The following PTPN3 variants were observed in gnomAD, a reference collection of about 807,000 sequenced individuals.
PTPN3 encodes protein tyrosine phosphatase non-receptor type 3.
PTPN3 carries 96 observed loss-of-function variants against 132.7 expected under a neutral mutation model. The observed-to-expected ratio is 0.72, with a 90% CI of 0.61 to 0.86. The LOEUF (loss-of-function observed/expected upper bound fraction) is 0.86, where lower values mean the gene tolerates loss of function less well. Among genes scored for constraint, PTPN3 ranks in the 40% least tolerant of loss-of-function variants. The pLI, the probability that PTPN3 is intolerant of heterozygous loss-of-function variation, is 0.00. For synonymous variants in PTPN3, 398 were observed against 429.0 expected (o/e 0.93, Z 0.89); for missense variants, 1,125 against 1,159.6 (o/e 0.97, Z 0.43).
At chr9:109,534,451 G>T in the PTPN3 span, 1 of 1,231,248 alleles carries the variant, frequency 8.1e-7, no homozygotes, top group Non-Finnish European at 1.1e-6. Flanking sequence ...TCCGCTCTCC[G>T]CTCCCGCTAC....
chr9:109,477,015 A>G (rs991083948), intron 1 of PTPN3, among the ~76,000 whole-genome samples: 1 of 152,114 alleles, frequency 6.6e-6, no homozygotes, highest in Non-Finnish European at 1.5e-5. Flanking sequence ...CCATTTTACA[A>G]GATTGGGAGA....
In PTPN3 at chr9:109,382,850, C is replaced by T. The variant is rs77803616; in HGVS notation, c.2383-403G>A. Among the ~76,000 whole-genome samples, 989 of 151,334 alleles carry T rather than the reference C, an allele frequency of 6.5e-3. 8 individuals are homozygous for T. The highest frequency in any genetic ancestry group is 0.022 in the African/African-American group (927 of 41,210). On this transcript the variant is annotated intron_variant, in intron 23 of 25. Transcript: ENST00000374541. ...ACAGTTCAGCGGCATTGAGAATACT[C>T]GCAATGTTGTAGAGCCATCAGCACT... is the stretch of plus-strand genomic sequence containing the variant.
chr9:109,414,660 TCA>T (rs1396750247), intron 14 of PTPN3, among the ~76,000 whole-genome samples: 1 of 152,206 alleles, frequency 6.6e-6, no homozygotes, highest in Non-Finnish European at 1.5e-5. Context: ...CTTTATGAGC[TCA>T]CAGTCTTTCC....
At chr9:109,497,192 G>T (rs1847707513) in intron 1 of PTPN3, among the ~76,000 whole-genome samples, 1 of 152,108 alleles carries the variant, frequency 6.6e-6, no homozygotes, top group Non-Finnish European at 1.5e-5. Context: ...CCACCACTAG[G>T]CCCTGAAGAT....
At chr9:109,443,234 A>C (rs1230414231) in intron 7 of PTPN3, among the ~76,000 whole-genome samples, 1 of 151,552 alleles carries the variant, frequency 6.6e-6, no homozygotes, top group Non-Finnish European at 1.5e-5. Context: ...GCACCACCAC[A>C]CCCAGCTAAT....
At chr9:109,414,475 T>C (rs972947881) in intron 14 of PTPN3, among the ~76,000 whole-genome samples, 1 of 152,148 alleles carries the variant, frequency 6.6e-6, no homozygotes, top group Non-Finnish European at 1.5e-5. Flanking sequence ...CCTGGAGAAA[T>C]TTCCCACATG....
chr9:109,521,469 G>A, the PTPN3 span, among the ~76,000 whole-genome samples: 29,475 of 152,068 alleles, frequency 0.19, 3,244 homozygotes, highest in Admixed American at 0.23. Flanking sequence ...CTTGAGTTTG[G>A]AACTATTGCA....
chr9:109,486,274 G>A (rs914723413), intron 1 of PTPN3, among the ~76,000 whole-genome samples: 8 of 152,206 alleles, frequency 5.3e-5, no homozygotes, highest in African/African-American at 1.9e-4. Context: ...AGAAAAGATG[G>A]GGAAAAGCAA....
At chr9:109,524,639 G>A in the PTPN3 span, among the ~76,000 whole-genome samples, 2 of 152,226 alleles carry the variant, frequency 1.3e-5, no homozygotes, top group East Asian at 3.8e-4. Context: ...TGTGGACAAA[G>A]CCTTGAGAAT....
intron 19 of PTPN3, among the ~76,000 whole-genome samples, chr9:109,401,557 T>G (rs567707452): frequency 6.6e-6 from 1 of 152,182 alleles, no homozygotes; most frequent in African/African-American, 2.4e-5. Context: ...CACCTCAAAT[T>G]GGAGCCACCT....
chr9:109,497,194 C>T (rs1351502361), intron 1 of PTPN3, among the ~76,000 whole-genome samples: 1 of 152,084 alleles, frequency 6.6e-6, no homozygotes, highest in East Asian at 1.9e-4. Flanking sequence ...ACCACTAGGC[C>T]CTGAAGATGG....
intron 1 of PTPN3, among the ~76,000 whole-genome samples, chr9:109,479,499 T>A (rs527297829): frequency 6.6e-6 from 1 of 152,404 alleles, no homozygotes; most frequent in East Asian, 1.9e-4. Flanking sequence ...TACAAGTATC[T>A]GTCCGAGTCC....
chr9:109,507,403 C>T, the PTPN3 span, among the ~76,000 whole-genome samples: 4 of 152,210 alleles, frequency 2.6e-5, no homozygotes, highest in East Asian at 1.9e-4. Context: ...AACTGGAAAC[C>T]TGTCCTGGGC....
the PTPN3 span, among the ~76,000 whole-genome samples, chr9:109,534,614 TA>T: frequency 3.3e-5 from 2 of 60,178 alleles, no homozygotes; most frequent in African/African-American, 1.5e-4. Flanking sequence ...CCGTCTCTAC[TA>T]AAAATACAAA....
chr9:109,390,948 C>T (rs527248736), intron 21 of PTPN3, among the ~76,000 whole-genome samples, 190 bp downstream of exon 21: 1 of 152,208 alleles, frequency 6.6e-6, no homozygotes, highest in Non-Finnish European at 1.5e-5. Flanking sequence ...ATTATTTTAA[C>T]TCTCCGAACC....
chr9:109,430,376 T>A (rs535454015), intron 10 of PTPN3, among the ~76,000 whole-genome samples: 2 of 152,080 alleles, frequency 1.3e-5, no homozygotes, highest in African/African-American at 4.8e-5. Flanking sequence ...CCTCCTGTGG[T>A]TCCTAGGGCT....
the PTPN3 span, among the ~76,000 whole-genome samples, chr9:109,510,562 A>AG: frequency 2.7e-4 from 15 of 55,944 alleles, no homozygotes; most frequent in African/African-American, 1.0e-3. Context: ...TTGTCTTAAA[A>AG]AAAAAAAAAA....
At chr9:109,496,060 T>A (rs1847654272) in intron 1 of PTPN3, among the ~76,000 whole-genome samples, 1 of 152,246 alleles carries the variant, frequency 6.6e-6, no homozygotes, top group African/African-American at 2.4e-5. Flanking sequence ...TTCAGTAACT[T>A]GACCTTTTAT....
intron 10 of PTPN3, among the ~76,000 whole-genome samples, chr9:109,430,996 C>G (rs965340974): frequency 7.2e-5 from 11 of 152,264 alleles, no homozygotes; most frequent in African/African-American, 2.7e-4. Context: ...TAGGGCCCTT[C>G]TTATGTCCTG....
Sources: allele counts gnomAD v4.1 joint callset (sites outside exome capture counted in the v4.1 genomes callset), GRCh38; gene constraint gnomAD v4.1.1; transcripts MANE v1.5; gene names NCBI Gene and HGNC (gene_info 2026-07-23, HGNC 2026-07-21).